Variants in NELL2 observed in about 807,000 individuals in gnomAD.
The protein encoded by NELL2 is protein kinase C-binding protein NELL2.
In NELL2, 41 loss-of-function variants were observed where a neutral mutation model predicts 109.6. That is an observed-to-expected ratio of 0.37 (90% CI 0.29 to 0.49). The LOEUF (loss-of-function observed/expected upper bound fraction) is 0.49. NELL2 is among the 20% of genes least tolerant of loss of function. The pLI, the probability that NELL2 is intolerant of heterozygous loss-of-function variation, is 0.98. For synonymous variants in NELL2, 355 were observed against 344.7 expected, an observed-to-expected ratio of 1.03 and a Z score of -0.33; for missense variants, 900 against 1,008.3, an observed-to-expected ratio of 0.89 and a Z score of 1.45.
intron 9 of NELL2, among the ~76,000 whole-genome samples, chr12:44,761,449 C>T (rs925866864): frequency 6.6e-6 from 1 of 152,142 alleles, no homozygotes; most frequent in Admixed American, 6.5e-5. Context: ...TTATTAGAAC[C>T]TCTTCAGAAA....
At chr12:44,887,697 T>C (rs1353344567) in intron 1 of NELL2, among the ~76,000 whole-genome samples, 2 of 151,798 alleles carry the variant, frequency 1.3e-5, no homozygotes, top group South Asian at 2.1e-4. Context: ...TGTTTTGCTA[T>C]TGAGTTGTTT....
At chr12:44,808,775 C>T (rs1943083103) in intron 3 of NELL2, among the ~76,000 whole-genome samples, 1 of 151,936 alleles carries the variant, frequency 6.6e-6, no homozygotes, top group Non-Finnish European at 1.5e-5. Context: ...TAATACATGA[C>T]AAGCACTCAC....
At chr12:44,840,804 A>C (rs1944204271) in intron 2 of NELL2, among the ~76,000 whole-genome samples, 1 of 152,252 alleles carries the variant, frequency 6.6e-6, no homozygotes, top group Admixed American at 6.5e-5. Context: ...GTGCTACAGG[A>C]CATGTTGCAA....
intron 9 of NELL2, among the ~76,000 whole-genome samples, chr12:44,768,073 C>T (rs986891685): frequency 7.2e-5 from 11 of 152,174 alleles, no homozygotes; most frequent in African/African-American, 2.4e-4. Flanking sequence ...CTCTGTGATT[C>T]TGCCCTACAT....
At chr12:44,516,068 G>A (rs1476684476) in intron 19 of NELL2, among the ~76,000 whole-genome samples, 3 of 151,580 alleles carry the variant, frequency 2.0e-5, no homozygotes, top group Non-Finnish European at 2.9e-5. Flanking sequence ...TGTGCACAAC[G>A]TGCATAATAT....
chr12:44,706,676 A>G (rs968266665), intron 11 of NELL2, among the ~76,000 whole-genome samples: 15 of 152,210 alleles, frequency 9.9e-5, no homozygotes, highest in Non-Finnish European at 1.0e-4. Flanking sequence ...TTATTCGTTA[A>G]TAACTAAAGT....
chr12:44,814,467 C>A (rs977697745), intron 3 of NELL2, among the ~76,000 whole-genome samples: 5 of 152,194 alleles, frequency 3.3e-5, no homozygotes, highest in African/African-American at 4.8e-5. Context: ...CTGCTATAAA[C>A]AAGGAGCTCA....
intron 13 of NELL2, among the ~76,000 whole-genome samples, chr12:44,645,057 A>T (rs1403725034): frequency 6.6e-6 from 1 of 152,126 alleles, no homozygotes; most frequent in Admixed American, 6.6e-5. Flanking sequence ...GGGAAGAATT[A>T]TGTTTCAAGT....
chr12:44,910,338 C>T (rs1176153496), intron 1 of NELL2, among the ~76,000 whole-genome samples: 1 of 151,876 alleles, frequency 6.6e-6, no homozygotes, highest in African/African-American at 2.4e-5. Flanking sequence ...AAAAGACATA[C>T]ATGTGGCCAA....
intron 2 of NELL2, among the ~76,000 whole-genome samples, chr12:44,847,269 T>C (rs1163176942): frequency 6.6e-6 from 1 of 152,214 alleles, no homozygotes; most frequent in Non-Finnish European, 1.5e-5. Context: ...TCTCGTGAAG[T>C]AAGGGTATTA....
chr12:44,834,488 T>C (rs575380214), intron 2 of NELL2, among the ~76,000 whole-genome samples: 52 of 146,582 alleles, frequency 3.5e-4, no homozygotes, highest in Non-Finnish European at 1.2e-4. Context: ...ATGTACAAAA[T>C]AAAGAAAACC....
chr12:44,581,424 A>G (rs1444371367), intron 15 of NELL2, among the ~76,000 whole-genome samples: 2 of 152,198 alleles, frequency 1.3e-5, no homozygotes, highest in South Asian at 2.1e-4. Flanking sequence ...ATCTTATTAC[A>G]AAACACTCTT....
At chr12:44,642,592 G>A (rs991589730) in intron 13 of NELL2, among the ~76,000 whole-genome samples, 7 of 152,104 alleles carry the variant, frequency 4.6e-5, no homozygotes, top group African/African-American at 1.7e-4. Flanking sequence ...TAAAATTTGT[G>A]AAGAAGTGGC....
At chr12:44,509,128 A>G (rs73096324) in intron 19 of NELL2, 144 bp from the exon 20 acceptor site, 1 of 683,440 alleles carries the variant, frequency 1.5e-6, no homozygotes, top group Non-Finnish European at 2.5e-6. Flanking sequence ...ATCACTTTTC[A>G]TGACTCTACT....
chr12:44,902,924 A>G (rs1240074931), intron 1 of NELL2, among the ~76,000 whole-genome samples: 1 of 152,218 alleles, frequency 6.6e-6, no homozygotes, highest in Admixed American at 6.5e-5. Context: ...AAAGATTTAA[A>G]CGTAAGACCT....
intron 2 of NELL2, among the ~76,000 whole-genome samples, chr12:44,860,207 A>G (rs1336648017): frequency 2.0e-5 from 3 of 152,250 alleles, no homozygotes; most frequent in Admixed American, 2.0e-4. Context: ...TGTACGTCCC[A>G]AATGACTAAT....
At chr12:44,886,489 A>G (rs1223063230) in intron 1 of NELL2, among the ~76,000 whole-genome samples, 1 of 151,986 alleles carries the variant, frequency 6.6e-6, no homozygotes, top group Non-Finnish European at 1.5e-5. Flanking sequence ...ATTCAATTAA[A>G]AAAGATAGGC....
At chr12:44,527,227 T>G (rs887888446) in intron 16 of NELL2, among the ~76,000 whole-genome samples, 1 of 152,200 alleles carries the variant, frequency 6.6e-6, no homozygotes, top group African/African-American at 2.4e-5. Context: ...TTTTTTGGTA[T>G]CAAAAGTTCA....
intron 2 of NELL2, among the ~76,000 whole-genome samples, chr12:44,828,065 G>T (rs1943772397): frequency 6.6e-6 from 1 of 152,202 alleles, no homozygotes; most frequent in African/African-American, 2.4e-5. Flanking sequence ...GATGATCAAT[G>T]ATGTTGAGCA....
Sources: allele counts gnomAD v4.1 joint callset (sites outside exome capture counted in the v4.1 genomes callset), GRCh38; gene constraint gnomAD v4.1.1; transcripts MANE v1.5; gene names NCBI Gene and HGNC (gene_info 2026-07-23, HGNC 2026-07-21).